Variants in NINL observed in about 807,000 individuals in gnomAD.
NINL encodes ninein-like protein.
In NINL, 153 loss-of-function variants were observed where a neutral mutation model predicts 160.3. The observed-to-expected ratio is 0.95, with a 90% confidence interval of 0.84 to 1.09. The LOEUF is 1.09. Among genes scored for constraint, NINL ranks in the 50% least tolerant of loss-of-function variants. The pLI is 0.00. For missense variants in NINL, 1,829 were observed against 1,764.0 expected, an observed-to-expected ratio of 1.04 and a Z score of -0.66; for synonymous variants, 800 against 734.8, an observed-to-expected ratio of 1.09 and a Z score of -1.43.
chr20:25,579,283 G>C (rs1430727099), intron 1 of NINL, among the ~76,000 whole-genome samples: 1 of 152,152 alleles, frequency 6.6e-6, no homozygotes, highest in Admixed American at 6.6e-5. Flanking sequence ...CGCACTCTCT[G>C]TGTGTGAGAT....
intron 1 of NINL, among the ~76,000 whole-genome samples, chr20:25,548,262 G>A (rs747758381): frequency 2.2e-4 from 34 of 152,292 alleles, no homozygotes; most frequent in Admixed American, 6.5e-4. Flanking sequence ...AAATGAGGAA[G>A]CCAAACCTGA....
chr20:25,463,976 G>C (rs1456368096), intron 19 of NINL, among the ~76,000 whole-genome samples: 3 of 152,174 alleles, frequency 2.0e-5, no homozygotes, highest in African/African-American at 7.2e-5. Flanking sequence ...ATTTTATTGT[G>C]AAAATTAGAA....
chr20:25,489,898 G>A lies in NINL; in HGVS notation c.1573C>T (p.Leu525=). Residue 525 remains leucine (L), a synonymous_variant, in exon 12 of 24, where the codon CTG becomes TTG. Coordinates refer to ENST00000278886, the MANE Select transcript of NINL (RefSeq NM_025176.6). ...GCCTTGTCCTTCAGCACAAACTCCA[G>A]GTCCTTCTGCAGCTTCAGGGCCAGC... The part of the protein sequence containing the change: ...ERLALKLQKD[L]EFVLKDKLEP... 1 of 1,614,172 alleles carries A rather than the reference G, an allele frequency of 6.2e-7. No homozygotes were observed. Among genetic ancestry groups the A allele is most frequent in the Non-Finnish European group, 8.5e-7 (1 of 1,180,026 alleles).
At chr20:25,472,538 T>C (rs2063130758) in intron 17 of NINL, among the ~76,000 whole-genome samples, 1 of 121,844 alleles carries the variant, frequency 8.2e-6, no homozygotes, top group Non-Finnish European at 1.7e-5. Flanking sequence ...AAAATATTTC[T>C]TTTTTTTTTT....
In NINL at chr20:25,554,527, G is replaced by A. The variant is rs572931735; in HGVS notation, c.-11-27929C>T. 5.3e-5 allele frequency among the ~76,000 whole-genome samples: 8 copies of A among 149,746 alleles called. No individual in the cohort carries two copies. The South Asian group carries it at 1.7e-3, about 32-fold the overall frequency. On this transcript the variant is annotated intron_variant, in intron 1 of 23. Coordinates refer to ENST00000278886, the MANE Select transcript of NINL (RefSeq NM_025176.6). ...TAGCCAGGTGCAGTGGTTCATGCCT[G>A]TAATCCCAGCACTTTGGGAGGCCGG...
At chr20:25,483,235 G>A (rs549460169) in intron 13 of NINL, among the ~76,000 whole-genome samples, 12 of 152,090 alleles carry the variant, frequency 7.9e-5, no homozygotes, top group Admixed American at 3.3e-4. Flanking sequence ...TCAGGAGGCT[G>A]AGGCAGGAGA....
At chr20:25,566,084 G>T (rs867146236) in intron 1 of NINL, among the ~76,000 whole-genome samples, 23 of 152,192 alleles carry the variant, frequency 1.5e-4, no homozygotes, top group African/African-American at 4.6e-4. Flanking sequence ...GGCCTCCACA[G>T]TCACATGAGT....
At chr20:25,561,402 G>A (rs1482859752) in intron 1 of NINL, among the ~76,000 whole-genome samples, 2 of 152,142 alleles carry the variant, frequency 1.3e-5, no homozygotes, top group East Asian at 1.9e-4. Context: ...CCTCCCAGCC[G>A]TCTGCCTTGG....
rs1051478668 is a variant in NINL at position 25,510,746 on chromosome 20, G to C, written c.451-6C>G. 2 of 1,610,768 alleles carry C rather than the reference G, an allele frequency of 1.2e-6. No individual in the cohort carries two copies. Among genetic ancestry groups the C allele is most frequent in the East Asian group, 4.5e-5 (2 of 44,848 alleles). On this transcript the variant is annotated splice_region_variant and splice_polypyrimidine_tract_variant and intron_variant, in intron 4 of 23. Coordinates refer to ENST00000278886, the MANE Select transcript of NINL (RefSeq NM_025176.6). ...TCTTCATCTGACTTGGGACTCTGTA[G>C]AAAGATGCAGAGAGAAGGCTGTGAG... is the stretch of plus-strand genomic sequence containing the variant.
chr20:25,495,342 C>T (rs1286216998), intron 10 of NINL, among the ~76,000 whole-genome samples: 1 of 152,234 alleles, frequency 6.6e-6, no homozygotes, highest in Non-Finnish European at 1.5e-5. Flanking sequence ...GCAAACCGCC[C>T]GCATCCCTGG....
chr20:25,509,923 T>TG (rs2064036856), intron 5 of NINL, among the ~76,000 whole-genome samples: 1 of 152,360 alleles, frequency 6.6e-6, no homozygotes, highest in Non-Finnish European at 1.5e-5. Flanking sequence ...GGGGATCCAC[T>TG]GGGAAGTTTT....
intron 3 of NINL, among the ~76,000 whole-genome samples, chr20:25,516,714 C>A (rs1158934734): frequency 1.3e-5 from 2 of 152,152 alleles, no homozygotes; most frequent in Admixed American, 1.3e-4. Context: ...TCACCCAGGT[C>A]ATGCATATGG....
intron 1 of NINL, among the ~76,000 whole-genome samples, chr20:25,571,210 A>C (rs2065051444): frequency 6.6e-6 from 1 of 152,218 alleles, no homozygotes; most frequent in African/African-American, 2.4e-5. Flanking sequence ...TGATCACGTA[A>C]GGGGATAATC....
rs780316022 is a variant in NINL, at chr20:25,476,738, C to G, written c.2553G>C (p.Pro851=). The G allele has an allele frequency of 8.1e-6, 13 of 1,606,598 alleles. No individual in the cohort carries two copies. The highest frequency in any genetic ancestry group is 1.3e-5 in the African/African-American group (1 of 74,934). Reference sequence around the variant, plus strand: ...AGGCCAGTGGCCGCTCCCCACAGCCCGGACGCAGTGGTAGGAGGCCACGTG... The same window carrying G: ...AGGCCAGTGGCCGCTCCCCACAGCCGGGACGCAGTGGTAGGAGGCCACGTG... The part of the protein sequence containing the change: ...EGTRGLLPLR[P]GCGERPLAWL... Residue 851 remains proline, a synonymous_variant, in exon 17 of 24, where the codon CCG becomes CCC. Coordinates refer to ENST00000278886, the MANE Select transcript of NINL (RefSeq NM_025176.6).
chr20:25,527,719 TA>T (rs1338312690), intron 1 of NINL, among the ~76,000 whole-genome samples: 3 of 152,180 alleles, frequency 2.0e-5, no homozygotes, highest in Admixed American at 1.3e-4. Flanking sequence ...TTATCAAGAC[TA>T]AAAATCCTGG....
chr20:25,463,515 G>T lies in NINL; in HGVS notation c.3424-974C>A, dbSNP rs77219314. On this transcript the variant is annotated intron_variant, in intron 19 of 23. Transcript: ENST00000278886. ...AAACGTTCATGAGGGGAACCTGTGA[G>T]GGCGCAGTGCAGTGACAGCGGCAGG... 1.4e-3 allele frequency among the ~76,000 whole-genome samples: 207 copies of T among 152,324 alleles called. 1 individual carries two copies. Among genetic ancestry groups the T allele is most frequent in the African/African-American group, 4.7e-3 (195 of 41,564 alleles).
chr20:25,581,975 C>T (rs1221826097), intron 1 of NINL, among the ~76,000 whole-genome samples: 1 of 152,138 alleles, frequency 6.6e-6, no homozygotes, highest in Non-Finnish European at 1.5e-5. Flanking sequence ...TGCTCAAGTC[C>T]GGCCAGGCGT....
chr20:25,509,675 T>C (rs1294334706), intron 5 of NINL: 1 of 456,766 alleles, frequency 2.2e-6, no homozygotes, highest in Non-Finnish European at 4.4e-6. Flanking sequence ...CCCACCTTTC[T>C]GTGGGGCCCC....
chr20:25,546,432 C>T (rs1239691518), intron 1 of NINL, among the ~76,000 whole-genome samples: 1 of 151,928 alleles, frequency 6.6e-6, no homozygotes, highest in Non-Finnish European at 1.5e-5. Flanking sequence ...GTACTCAGAA[C>T]CAAGAAAAAT....
Sources: allele counts gnomAD v4.1 joint callset (sites outside exome capture counted in the v4.1 genomes callset), GRCh38; gene constraint gnomAD v4.1.1; transcripts MANE v1.5; gene names NCBI Gene and HGNC (gene_info 2026-07-23, HGNC 2026-07-21).